The following PTPRO variants were observed in gnomAD, a reference collection of about 807,000 sequenced individuals.
The protein encoded by PTPRO is receptor-type tyrosine-protein phosphatase O.
A neutral mutation model predicts 145.2 loss-of-function variants in PTPRO; 62 were observed. The observed-to-expected ratio is 0.43, with a 90% CI of 0.35 to 0.53. PTPRO has a LOEUF of 0.53. PTPRO is among the 20% of genes least tolerant of loss of function. The pLI is 0.01. For synonymous variants in PTPRO, 565 were observed against 514.7 expected (o/e 1.10, Z -1.32); for missense variants, 1,345 against 1,482.7 (o/e 0.91, Z 1.53).
chr12:15,553,134 G>A (rs1177354907), intron 15 of PTPRO, among the ~76,000 whole-genome samples: 1 of 151,984 alleles, frequency 6.6e-6, no homozygotes, highest in East Asian at 1.9e-4. Flanking sequence ...CAACTTGCGT[G>A]AATTTGTGTA....
intron 1 of PTPRO, among the ~76,000 whole-genome samples, chr12:15,356,182 A>AAC (rs1937982960): frequency 6.6e-6 from 1 of 152,240 alleles, no homozygotes; most frequent in Admixed American, 6.5e-5. Context: ...ATAATCCTGC[A>AAC]ACATATTTAG....
chr12:15,360,790 GTA>G (rs984225025), intron 1 of PTPRO, among the ~76,000 whole-genome samples: 1 of 140,798 alleles, frequency 7.1e-6, no homozygotes, highest in Admixed American at 7.2e-5. Context: ...ATATATGTGT[GTA>G]TATGTGTGTA....
intron 1 of PTPRO, among the ~76,000 whole-genome samples, chr12:15,423,978 A>G (rs1186739646): frequency 1.3e-5 from 2 of 152,224 alleles, no homozygotes; most frequent in Non-Finnish European, 2.9e-5. Context: ...GGTCATCAAA[A>G]TAAAATTCGT....
intron 19 of PTPRO, among the ~76,000 whole-genome samples, chr12:15,575,861 ACT>A (rs1460493405): frequency 6.6e-6 from 1 of 152,052 alleles, no homozygotes; most frequent in Non-Finnish European, 1.5e-5. Flanking sequence ...CAGCTGCATA[ACT>A]CTGATCTGTC....
intron 1 of PTPRO, among the ~76,000 whole-genome samples, chr12:15,377,613 A>G (rs1295506744): frequency 3.3e-5 from 5 of 152,070 alleles, no homozygotes; most frequent in East Asian, 1.9e-4. Flanking sequence ...TCAACAAGGA[A>G]CTAGAAGACT....
intron 1 of PTPRO, among the ~76,000 whole-genome samples, chr12:15,397,633 A>G (rs889919087): frequency 6.6e-6 from 1 of 152,320 alleles, no homozygotes; most frequent in African/African-American, 2.4e-5. Context: ...CCCACAAGGC[A>G]TAGGGTTTGT....
intron 7 of PTPRO, among the ~76,000 whole-genome samples, chr12:15,514,451 C>CAAA (rs71438353): frequency 8.4e-4 from 58 of 68,766 alleles, no homozygotes; most frequent in South Asian, 4.0e-3. Flanking sequence ...GACTCTGTCT[C>CAAA]AAAAAAAAAA....
rs1942612818 is a variant in PTPRO, at chr12:15,516,967, C to T, written c.1779+11C>T. ...TTAACTGCATCCGTGGTAATCTTCC[C>T]TTAACCAACTGTCAGTCTTTCCTAT... On this transcript the variant is annotated intron_variant, in intron 9 of 26. Coordinates refer to ENST00000281171, the MANE Select transcript of PTPRO (RefSeq NM_030667.3). The T allele has an allele frequency of 6.2e-7, 1 of 1,605,394 alleles. No homozygotes were observed. The highest frequency in any genetic ancestry group is 8.5e-7 in the Non-Finnish European group (1 of 1,172,034).
At chr12:15,351,351 T>A (rs1565579902) in intron 1 of PTPRO, among the ~76,000 whole-genome samples, 1 of 152,194 alleles carries the variant, frequency 6.6e-6, no homozygotes, top group Non-Finnish European at 1.5e-5. Flanking sequence ...CTTTCTCTAG[T>A]TTAAGTGATT....
intron 1 of PTPRO, among the ~76,000 whole-genome samples, chr12:15,454,105 T>G (rs1282078671): frequency 6.6e-6 from 1 of 152,196 alleles, no homozygotes; most frequent in Non-Finnish European, 1.5e-5. Flanking sequence ...GAAATAAGAT[T>G]GCTGGATCAC....
intron 1 of PTPRO, among the ~76,000 whole-genome samples, chr12:15,476,774 A>C (rs2136426422): frequency 6.6e-6 from 1 of 151,550 alleles, no homozygotes; most frequent in South Asian, 2.1e-4. Context: ...TGGCCATCAG[A>C]GAAATGCAAA....
chr12:15,429,926 C>T (rs192475020), intron 1 of PTPRO, among the ~76,000 whole-genome samples: 21 of 151,792 alleles, frequency 1.4e-4, no homozygotes, highest in Non-Finnish European at 2.4e-4. Flanking sequence ...AAGGTGATTC[C>T]CACATTTCCA....
chr12:15,421,100 A>G (rs1278034006), intron 1 of PTPRO, among the ~76,000 whole-genome samples: 1 of 152,234 alleles, frequency 6.6e-6, no homozygotes, highest in African/African-American at 2.4e-5. Context: ...TCATTAATGT[A>G]GTATTTTAAA....
In PTPRO at chr12:15,443,810, G is replaced by A. The variant is rs113584184; in HGVS notation, c.76-40164G>A. On this transcript the variant is annotated intron_variant, in intron 1 of 26. Transcript: ENST00000281171. ...GATAGCATCTCACACCAGTCAGAAC[G>A]GCTGTGACTAAAACATCAGTAAACA... 8.5e-3 allele frequency among the ~76,000 whole-genome samples: 1,296 copies of A among 152,174 alleles called. 17 individuals are homozygous for A. Among genetic ancestry groups the A allele is most frequent in the African/African-American group, 0.03 (1,230 of 41,524 alleles).
chr12:15,539,588 C>G (rs997088463), intron 12 of PTPRO, among the ~76,000 whole-genome samples: 74 of 151,574 alleles, frequency 4.9e-4, no homozygotes, highest in African/African-American at 1.7e-3. Flanking sequence ...ATGGTGAAAC[C>G]CTGTTTCTAC....
intron 2 of PTPRO, among the ~76,000 whole-genome samples, chr12:15,489,132 T>C (rs970255036): frequency 6.6e-6 from 1 of 152,108 alleles, no homozygotes; most frequent in African/African-American, 2.4e-5. Flanking sequence ...GAAATAAAGA[T>C]AGATAAAAAT....
chr12:15,565,673 T>G, intron 18 of PTPRO, 45 bp downstream of exon 18: 1 of 1,299,130 alleles, frequency 7.7e-7, no homozygotes, highest in Non-Finnish European at 1.1e-6. Context: ...TTTGTTATAA[T>G]AATCTTAACG....
At chr12:15,563,310 CAT>C (rs1436829733) in intron 17 of PTPRO, among the ~76,000 whole-genome samples, 3 of 136,378 alleles carry the variant, frequency 2.2e-5, no homozygotes, top group African/African-American at 5.0e-5. Flanking sequence ...GTCACTGTAA[CAT>C]GTGCACATAT....
chr12:15,523,752 G>A (rs77437146), intron 10 of PTPRO, among the ~76,000 whole-genome samples: 29 of 151,768 alleles, frequency 1.9e-4, no homozygotes, highest in East Asian at 1.4e-3. Flanking sequence ...TCCAGCTTGC[G>A]TGACAGATTG....
Sources: gnomAD v4.1 joint callset for allele counts (sites outside exome capture counted in the v4.1 genomes callset) on GRCh38, gnomAD v4.1.1 for gene constraint, MANE v1.5 for transcripts, NCBI Gene and HGNC (gene_info 2026-07-23, HGNC 2026-07-21) for gene names.